TRIM59: variants seen among roughly 807,000 people sequenced by gnomAD.
The protein encoded by TRIM59 is tripartite motif-containing protein 59.
TRIM59 carries 14 observed loss-of-function variants against 32.2 expected under a neutral mutation model. The ratio of observed to expected loss-of-function variants is 0.43; its 90% CI spans 0.29 to 0.68. The LOEUF (loss-of-function observed/expected upper bound fraction) is 0.68. TRIM59 is among the 30% of genes least tolerant of loss of function. The pLI is 0.15. For synonymous variants in TRIM59, 163 were observed against 155.1 expected (o/e 1.05, Z -0.38); for missense variants, 471 against 463.3 (o/e 1.02, Z -0.15).
chr3:160,449,430 C>A (rs936361871), intron 1 of TRIM59: 1 of 1,130,102 alleles, frequency 8.8e-7, no homozygotes, highest in Non-Finnish European at 1.1e-6. Context: ...CCGTCCCCAA[C>A]CCCGCGGGAC....
rs1719062926 is a variant in TRIM59 at position 160,438,014 on chromosome 3, G to A, written c.1170C>T (p.Phe390=). ...TCCACACAAATTCCTTCAACAAATA[G>A]AAAATGTGACACAGTATATTCTTTA... is the stretch of plus-strand genomic sequence containing the variant. ...HKVKNILCHI[F]YLLKEFVWKI... is the part of the protein sequence containing the mutation. Residue 390 remains phenylalanine, a synonymous_variant, in exon 3 of 3, where the codon TTC becomes TTT. Coordinates refer to ENST00000309784, the MANE Select transcript of TRIM59 (RefSeq NM_173084.3). The A allele has an allele frequency of 1.9e-6, 3 of 1,561,040 alleles. No homozygotes were observed. Among genetic ancestry groups the A allele is most frequent in the African/African-American group, 1.4e-5 (1 of 72,090 alleles).
rs1437935497 is a variant in TRIM59, at chr3:160,437,164, C to T, written c.*808G>A. 1.1e-5 allele frequency: 8 copies of T among 739,246 alleles called. No homozygotes were observed. The highest frequency in any genetic ancestry group is 6.9e-4 in the Middle Eastern group (1 of 1,444). The allele number at this position is 739,246 out of a possible 1,614,324, so 45.8% of individuals were successfully genotyped here. Reference sequence around the variant, plus strand: ...CCCAGAAGTTTGAGACCAACCTGGGCAATATGGCAAAACCTCGTTTCTACA... The same window carrying T: ...CCCAGAAGTTTGAGACCAACCTGGGTAATATGGCAAAACCTCGTTTCTACA... On this transcript the variant is annotated 3_prime_UTR_variant, in exon 3 of 3. Transcript: ENST00000309784.
chr3:160,436,000 C>T lies in TRIM59; in HGVS notation c.*1972G>A. The T allele has an allele frequency of 8.0e-7, 1 of 1,253,290 alleles. No homozygotes were observed. The highest frequency in any genetic ancestry group is 1.4e-5 in the South Asian group (1 of 73,768). 77.6% of individuals were successfully genotyped at this position (1,253,290 alleles called of 1,614,324 possible). On this transcript the variant is annotated 3_prime_UTR_variant, in exon 3 of 3. Transcript: ENST00000309784. ...TACGTGTTTTTGAAACTACAGGGCA[C>T]TTTTATGGTGTGACTAGTATTTTAA... is the stretch of plus-strand genomic sequence containing the variant.
intron 2 of TRIM59, among the ~76,000 whole-genome samples, chr3:160,445,874 T>C (rs1329046982): frequency 6.6e-6 from 1 of 151,746 alleles, no homozygotes; most frequent in African/African-American, 2.4e-5. Context: ...AATGCAGTGG[T>C]GTGACCATGG....
Position 160,449,753 on chromosome 3 carries a change from G to C in TRIM59, c.-110C>G, listed in dbSNP as rs559386600. 110 of 1,287,408 alleles carry C rather than the reference G, an allele frequency of 8.5e-5. No individual in the cohort carries two copies. Among genetic ancestry groups the C allele is most frequent in the Middle Eastern group, 6.4e-4 (3 of 4,690 alleles). The allele number at this position is 1,287,408 out of a possible 1,614,324, so 79.7% of individuals were successfully genotyped here. On this transcript the variant is annotated 5_prime_UTR_variant, in exon 1 of 3. Coordinates refer to ENST00000309784, the MANE Select transcript of TRIM59 (RefSeq NM_173084.3). ...AGCGGACCAGGCAACTCCACAGCACGGAAACACAGCGCCACGAGCTCCAGG... is the reference window on the plus strand; with the variant it reads ...AGCGGACCAGGCAACTCCACAGCACCGAAACACAGCGCCACGAGCTCCAGG...
intron 1 of TRIM59, 190 bp downstream of exon 1, chr3:160,449,527 G>A: frequency 1.6e-6 from 2 of 1,248,076 alleles, no homozygotes; most frequent in South Asian, 1.4e-5. Flanking sequence ...ACAGTGGAGG[G>A]ACGGGAAAGT....
Position 160,437,689 on chromosome 3 carries a change from G to A in TRIM59, c.*283C>T, listed in dbSNP as rs1374899424. 1.9e-6 allele frequency: 2 copies of A among 1,069,132 alleles called. No individual in the cohort carries two copies. Among genetic ancestry groups the A allele is most frequent in the Admixed American group, 5.1e-5 (1 of 19,584 alleles). The allele number at this position is 1,069,132 out of a possible 1,614,324, so 66.2% of individuals were successfully genotyped here. ...TAAAAGACAATATTGGTACAAGAAT[G>A]TTTAAATGTCACAGCAACATTATGT... On this transcript the variant is annotated 3_prime_UTR_variant, in exon 3 of 3. Transcript: ENST00000309784.
Position 160,448,729 on chromosome 3 carries a change from G to A in TRIM59, c.-7C>T. On this transcript the variant is annotated 5_prime_UTR_variant, in exon 2 of 3. Transcript: ENST00000309784. ...TTTAATCTCCCAGATTACCTACTTT[G>A]TTGATCTCGTGGTTTGGGGGCTGAA... 1 of 1,279,786 alleles carries A rather than the reference G, an allele frequency of 7.8e-7. No homozygotes were observed. The highest frequency in any genetic ancestry group is 1.0e-6 in the Non-Finnish European group (1 of 982,418). The allele number at this position is 1,279,786 out of a possible 1,614,324, so 79.3% of individuals were successfully genotyped here.
chr3:160,448,086 A>G (rs1719625743), intron 2 of TRIM59, among the ~76,000 whole-genome samples: 2 of 152,124 alleles, frequency 1.3e-5, no homozygotes, highest in Non-Finnish European at 2.9e-5. Flanking sequence ...CATCTGTACT[A>G]TTTTCTTTCA....
At chr3:160,449,347 C>T (rs958805118) in intron 1 of TRIM59, 2 of 446,044 alleles carry the variant, frequency 4.5e-6, no homozygotes, top group Non-Finnish European at 7.0e-6. Flanking sequence ...AATGGCAGTA[C>T]TCTTCCCTTC....
Position 160,448,769 on chromosome 3 carries a change from A to G in TRIM59, c.-47T>C. The stretch of plus-strand genomic sequence containing the variant: ...TGGGGGCTGAATACACTCTTCTCCA[A>G]CTCCTCCAGAATCTTTTATTCTTAT... On this transcript the variant is annotated 5_prime_UTR_variant, in exon 2 of 3. Coordinates refer to ENST00000309784, the MANE Select transcript of TRIM59 (RefSeq NM_173084.3). 1 of 1,276,512 alleles carries G rather than the reference A, an allele frequency of 7.8e-7. No individual in the cohort carries two copies. The highest frequency in any genetic ancestry group is 1.0e-6 in the Non-Finnish European group (1 of 983,232). The allele number at this position is 1,276,512 out of a possible 1,614,324, so 79.1% of individuals were successfully genotyped here. A position where few individuals can be genotyped will look rare whatever the true frequency, so the allele number is the denominator to read the frequency against.
chr3:160,449,769 G>T lies in TRIM59; in HGVS notation c.-126C>A. 4.7e-6 allele frequency: 6 copies of T among 1,278,108 alleles called. No individual in the cohort carries two copies. Among genetic ancestry groups the T allele is most frequent in the Non-Finnish European group, 6.1e-6 (6 of 978,204 alleles). 79.2% of individuals were successfully genotyped at this position (1,278,108 alleles called of 1,614,324 possible). A position where few individuals can be genotyped will look rare whatever the true frequency, so the allele number is the denominator to read the frequency against. ...CCACAGCACGGAAACACAGCGCCAC[G>T]AGCTCCAGGCGGATGCTGAGAGCCG... On this transcript the variant is annotated 5_prime_UTR_variant, in exon 1 of 3. Transcript: ENST00000309784.
chr3:160,447,702 C>T (rs1719606689), intron 2 of TRIM59: 1 of 152,230 alleles, frequency 6.6e-6, no homozygotes, highest in Admixed American at 6.5e-5. Flanking sequence ...TTACATTTCA[C>T]AACCTCTGAA....
Position 160,437,813 on chromosome 3 carries a change from T to C in TRIM59, c.*159A>G, listed in dbSNP as rs943208938. Reference sequence around the variant, plus strand: ...GATTTGACTATTTCAGATATAACTTTGACATATCATTGCTAACCAAAAGAA... The same window carrying C: ...GATTTGACTATTTCAGATATAACTTCGACATATCATTGCTAACCAAAAGAA... On this transcript the variant is annotated 3_prime_UTR_variant, in exon 3 of 3. Coordinates refer to ENST00000309784, the MANE Select transcript of TRIM59 (RefSeq NM_173084.3). The C allele has an allele frequency of 2.5e-5, 32 of 1,270,764 alleles. No individual in the cohort carries two copies. The highest frequency in any genetic ancestry group is 3.2e-5 in the Non-Finnish European group (32 of 1,010,826). The allele number at this position is 1,270,764 out of a possible 1,614,324, so 78.7% of individuals were successfully genotyped here. A position where few individuals can be genotyped will look rare whatever the true frequency, so the allele number is the denominator to read the frequency against.
rs1217604595 is a variant in TRIM59, at chr3:160,437,499, T to G, written c.*473A>C. The G allele has an allele frequency of 1.0e-6, 1 of 985,478 alleles. No homozygotes were observed. Among genetic ancestry groups the G allele is most frequent in the African/African-American group, 1.7e-5 (1 of 57,252 alleles). The allele number at this position is 985,478 out of a possible 1,614,324, so 61.0% of individuals were successfully genotyped here. On this transcript the variant is annotated 3_prime_UTR_variant, in exon 3 of 3. Transcript: ENST00000309784. ...GATCAAAAGATCTTTAAGCCATGCC[T>G]TATCACTTTAAGACTTTGTTGCTTG...
At chr3:160,443,050 T>C (rs1719337213) in intron 2 of TRIM59, among the ~76,000 whole-genome samples, 1 of 152,078 alleles carries the variant, frequency 6.6e-6, no homozygotes, top group Non-Finnish European at 1.5e-5. Flanking sequence ...GCCCAAGAAG[T>C]TGAGGCTGCA....
At position 160,437,128 on chromosome 3, in the gene TRIM59, G is replaced by T; in HGVS notation, c.*844C>A. 1 of 917,188 alleles carries T rather than the reference G, an allele frequency of 1.1e-6. No individual in the cohort carries two copies. The highest frequency in any genetic ancestry group is 5.0e-5 in the South Asian group (1 of 19,924). 56.8% of individuals were successfully genotyped at this position (917,188 alleles called of 1,614,324 possible). A position where few individuals can be genotyped will look rare whatever the true frequency, so the allele number is the denominator to read the frequency against. ...GCACTTTGGGAGGCCAAGGTGGGCA[G>T]ATCTCTTGAGCCCAGAAGTTTGAGA... On this transcript the variant is annotated 3_prime_UTR_variant, in exon 3 of 3. Transcript: ENST00000309784.
chr3:160,442,521 G>C lies in TRIM59; in HGVS notation c.-3-3335C>G, dbSNP rs185962610. ...CATGAAATGGCGCAACTGCACTCCA[G>C]CCAGGGCAACAGAGCAAGACTCTGT... On this transcript the variant is annotated intron_variant, in intron 2 of 2. Coordinates refer to ENST00000309784, the MANE Select transcript of TRIM59 (RefSeq NM_173084.3). Among the ~76,000 whole-genome samples, 314 of 151,032 alleles carry C rather than the reference G, an allele frequency of 2.1e-3. 2 individuals carry two copies. Among genetic ancestry groups the C allele is most frequent in the African/African-American group, 7.4e-3 (302 of 41,044 alleles).
chr3:160,448,668 T>C (rs1204713659), intron 2 of TRIM59, 58 bp downstream of exon 2: 4 of 1,005,544 alleles, frequency 4.0e-6, no homozygotes, highest in Non-Finnish European at 5.4e-6. Flanking sequence ...GTTTAAATCA[T>C]ACACTCTGTA....
Sources: allele counts gnomAD v4.1 joint callset (sites outside exome capture counted in the v4.1 genomes callset), GRCh38; gene constraint gnomAD v4.1.1; transcripts MANE v1.5; gene names NCBI Gene and HGNC (gene_info 2026-07-23, HGNC 2026-07-21).